The following ARHGAP29 variants were observed in gnomAD, a reference collection of about 807,000 sequenced individuals.
ARHGAP29 encodes rho GTPase-activating protein 29.
ARHGAP29 carries 43 observed loss-of-function variants against 122.6 expected under a neutral mutation model. That is an observed-to-expected ratio of 0.35 (90% CI 0.27 to 0.45). ARHGAP29 has a LOEUF of 0.45. Among genes scored for constraint, ARHGAP29 ranks in the 20% least tolerant of loss-of-function variants. ARHGAP29 has a pLI of 1.00. For missense variants in ARHGAP29, 1,303 were observed against 1,477.2 expected, an observed-to-expected ratio of 0.88 and a Z score of 1.93; for synonymous variants, 506 against 497.1, an observed-to-expected ratio of 1.02 and a Z score of -0.24.
chr1:94,248,209 A>G (rs1653908506), intron 1 of ARHGAP29: 1 of 152,186 alleles, frequency 6.6e-6, no homozygotes, highest in Non-Finnish European at 1.5e-5. Context: ...TCAGCAAACC[A>G]AATAAATTAC....
the ARHGAP29 span, among the ~76,000 whole-genome samples, chr1:94,297,758 C>A: frequency 6.6e-6 from 1 of 152,114 alleles, no homozygotes; most frequent in Non-Finnish European, 1.5e-5. Context: ...AATGCTGGGA[C>A]TCCCTCTTCC....
At chr1:94,237,769 C>T (rs1435757042), upstream of ARHGAP29, 1 of 985,434 alleles carries the variant, frequency 1.0e-6, no homozygotes, top group Non-Finnish European at 1.2e-6. Flanking sequence ...GACGCTGTCC[C>T]AGCATCACGG....
upstream of ARHGAP29, among the ~76,000 whole-genome samples, chr1:94,238,243 T>A (rs1281971978): frequency 1.3e-5 from 2 of 151,746 alleles, no homozygotes; most frequent in African/African-American, 4.8e-5. Context: ...GTATTTTTAG[T>A]AGAGGCAGGG....
intron 1 of ARHGAP29, among the ~76,000 whole-genome samples, chr1:94,245,392 A>G (rs1653755247): frequency 6.6e-6 from 1 of 152,240 alleles, no homozygotes; most frequent in South Asian, 2.1e-4. Context: ...ACTATTTAAC[A>G]TTACATATCC....
rs1158238771 is a variant in ARHGAP29, at chr1:94,173,981, T to C, written c.3674A>G (p.Glu1225Gly). ...CPGQATGQPKEDSEELGLPDV... is the reference protein window; with the variant it reads ...CPGQATGQPKGDSEELGLPDV... ...AGGCAAGCCAAGCTCCTCAGAGTCT[T>C]CTTTAGGTTGACCAGTTGCTTGCCC... The change falls in exon 23 of 23, where the codon GAA becomes GGA. Residue 1225 changes from glutamate to glycine, a missense_variant. Glu to Gly is a moderately conservative substitution (Grantham distance 98). Coordinates refer to ENST00000260526, the MANE Select transcript of ARHGAP29 (RefSeq NM_004815.4). 1 of 1,614,198 alleles carries C rather than the reference T, an allele frequency of 6.2e-7. No individual in the cohort carries two copies. Among genetic ancestry groups the C allele is most frequent in the South Asian group, 1.1e-5 (1 of 91,076 alleles).
upstream of ARHGAP29, among the ~76,000 whole-genome samples, chr1:94,276,780 CAAAAAAAAA>C (rs34090768): frequency 4.9e-5 from 2 of 40,614 alleles, no homozygotes; most frequent in Non-Finnish European, 8.4e-5. Context: ...GACCCTGTCT[CAAAAAAAAA>C]AAAAAAAAAA....
At chr1:94,187,577 T>C (rs1022368170) in intron 15 of ARHGAP29, among the ~76,000 whole-genome samples, 4 of 152,206 alleles carry the variant, frequency 2.6e-5, no homozygotes, top group Admixed American at 1.3e-4. Flanking sequence ...CTTTAATCCC[T>C]TGTCACTTCC....
chr1:94,264,963 A>G (rs1654704527), intron 1 of ARHGAP29, among the ~76,000 whole-genome samples: 1 of 152,150 alleles, frequency 6.6e-6, no homozygotes, highest in Non-Finnish European at 1.5e-5. Context: ...TCAAGGCTTT[A>G]CTATTCCCAG....
At chr1:94,192,306 A>G (rs1479048401) in intron 12 of ARHGAP29, 1 of 152,176 alleles carries the variant, frequency 6.6e-6, no homozygotes, top group Non-Finnish European at 1.5e-5. Context: ...CTATCCAGTG[A>G]TAGGTCTACT....
Position 94,172,949 on chromosome 1 carries a change from T to C in ARHGAP29, c.*920A>G, listed in dbSNP as rs1302616367. 1 of 152,444 alleles carries C rather than the reference T, an allele frequency of 6.6e-6. No homozygotes were observed. Among genetic ancestry groups the C allele is most frequent in the Non-Finnish European group, 1.5e-5 (1 of 67,986 alleles). 9.4% of individuals were successfully genotyped at this position (152,444 alleles called of 1,614,324 possible). On this transcript the variant is annotated 3_prime_UTR_variant, in exon 23 of 23. Transcript: ENST00000260526. ...TGACAATCCAGGTAGAACAAGTACA[T>C]AAAATGATTCCTAAGTCAAAACATT...
chr1:94,206,306 G>T (rs948120646), intron 5 of ARHGAP29, among the ~76,000 whole-genome samples: 1 of 152,004 alleles, frequency 6.6e-6, no homozygotes, highest in African/African-American at 2.4e-5. Flanking sequence ...CTACTTTATT[G>T]CATTGTGCTG....
chr1:94,221,974 T>A (rs1427151851), intron 2 of ARHGAP29, among the ~76,000 whole-genome samples: 8 of 138,092 alleles, frequency 5.8e-5, no homozygotes, highest in South Asian at 2.3e-4. Context: ...GGAAGAACTT[T>A]AAAAAAAAAA....
At chr1:94,267,803 A>G (rs917205067) in intron 1 of ARHGAP29, among the ~76,000 whole-genome samples, 3 of 152,004 alleles carry the variant, frequency 2.0e-5, no homozygotes, top group African/African-American at 7.3e-5. Context: ...ACTATATAAA[A>G]TAATCCAGGA....
In ARHGAP29 at chr1:94,205,071, CT is replaced by C; in HGVS notation, c.686del (p.Lys229SerfsTer43). The C allele has an allele frequency of 1.9e-6, 3 of 1,562,830 alleles. No homozygotes were observed. The highest frequency in any genetic ancestry group is 2.6e-6 in the Non-Finnish European group (3 of 1,160,950). On this transcript the variant is annotated frameshift_variant, in exon 7 of 23. Transcript: ENST00000260526. LOFTEE classifies it high-confidence loss of function. ...TAAAAGGCAACTCACCCAAGTTAAG[CT>C]TTTTTTCAACCCATGAAACTATGTT... Reference protein sequence around the residue: ...TKNIVSWVEKKLNLELESTRN... With the variant: ...TKNIVSWVEKXLNLELESTRN...
At chr1:94,207,001 T>TTTTATTTATTTA (rs542199991) in intron 5 of ARHGAP29, among the ~76,000 whole-genome samples, 3,137 of 150,120 alleles carry the variant, frequency 0.021, 45 homozygotes, top group Non-Finnish European at 0.03. Flanking sequence ...AAGGAGCAAC[T>TTTTATTTATTTA]TTTATTTATT....
intron 3 of ARHGAP29, 74 bp from the exon 4 acceptor site, chr1:94,209,424 T>C (rs2101541266): frequency 1.1e-6 from 1 of 873,032 alleles, no homozygotes; most frequent in South Asian, 1.9e-5. Context: ...TTTAATCCTT[T>C]AAAACTTCAT....
chr1:94,274,697 A>C (rs1258108113), intron 1 of ARHGAP29, among the ~76,000 whole-genome samples: 3 of 152,212 alleles, frequency 2.0e-5, no homozygotes, highest in African/African-American at 4.8e-5. Context: ...TGGCCTGGGC[A>C]ATTAGGAGGC....
chr1:94,205,327 AT>A, intron 6 of ARHGAP29, 129 bp from the exon 7 acceptor site: 1 of 744,328 alleles, frequency 1.3e-6, no homozygotes, highest in Non-Finnish European at 2.0e-6. Context: ...CAAGTGACAA[AT>A]TTACAATTAA....
At chr1:94,237,730 A>T, upstream of ARHGAP29, 1 of 985,158 alleles carries the variant, frequency 1.0e-6, no homozygotes, top group Non-Finnish European at 1.2e-6. Flanking sequence ...GCTCGCGCGC[A>T]GAACGCGACC....
Sources: allele counts gnomAD v4.1 joint callset (sites outside exome capture counted in the v4.1 genomes callset), GRCh38; gene constraint gnomAD v4.1.1; transcripts MANE v1.5; gene names NCBI Gene and HGNC (gene_info 2026-07-23, HGNC 2026-07-21).